The following UBE2E2 variants were observed in gnomAD, a reference collection of about 807,000 sequenced individuals.
The protein encoded by UBE2E2 is ubiquitin-conjugating enzyme E2 E2.
In UBE2E2, 6 loss-of-function variants were observed where a neutral mutation model predicts 24.7. The observed-to-expected ratio is 0.24, with a 90% confidence interval of 0.13 to 0.48. The LOEUF (loss-of-function observed/expected upper bound fraction) is 0.48. UBE2E2 is among the 20% of genes least tolerant of loss of function. The pLI is 0.99. For synonymous variants in UBE2E2, 104 were observed against 83.6 expected, an observed-to-expected ratio of 1.24 and a Z score of -1.33; for missense variants, 169 against 245.0, an observed-to-expected ratio of 0.69 and a Z score of 2.07.
At chr3:23,504,648 G>A (rs1030434490) in intron 4 of UBE2E2, among the ~76,000 whole-genome samples, 3 of 152,052 alleles carry the variant, frequency 2.0e-5, no homozygotes, top group Non-Finnish European at 2.9e-5. Flanking sequence ...CGTATCTTAT[G>A]GTTGCATTAA....
intron 3 of UBE2E2, among the ~76,000 whole-genome samples, chr3:23,442,074 G>C (rs1291107285): frequency 6.6e-6 from 1 of 151,986 alleles, no homozygotes; most frequent in African/African-American, 2.4e-5. Context: ...TGTGGCCTGT[G>C]TAATACATGC....
chr3:23,298,667 A>T (rs2125258301), intron 3 of UBE2E2, among the ~76,000 whole-genome samples: 2 of 151,620 alleles, frequency 1.3e-5, no homozygotes, highest in African/African-American at 4.8e-5. Flanking sequence ...AAGCTTTTTG[A>T]TGTGCTGCTG....
intron 5 of UBE2E2, among the ~76,000 whole-genome samples, chr3:23,572,831 C>A (rs1017976419): frequency 6.6e-6 from 1 of 152,144 alleles, no homozygotes; most frequent in African/African-American, 2.4e-5. Context: ...TTGTGAATAG[C>A]GCTGCAGTGA....
At chr3:23,406,779 G>C (rs1697365398) in intron 3 of UBE2E2, among the ~76,000 whole-genome samples, 2 of 152,178 alleles carry the variant, frequency 1.3e-5, no homozygotes, top group African/African-American at 4.8e-5. Context: ...AAATCTGTAT[G>C]CCCAGAGGCA....
At chr3:23,411,733 C>G (rs182457632) in intron 3 of UBE2E2, among the ~76,000 whole-genome samples, 4 of 152,108 alleles carry the variant, frequency 2.6e-5, no homozygotes, top group Admixed American at 2.6e-4. Context: ...TTCTCATTGG[C>G]TCATTTCCTT....
At chr3:23,410,909 C>A (rs570125996) in intron 3 of UBE2E2, among the ~76,000 whole-genome samples, 15 of 152,196 alleles carry the variant, frequency 9.9e-5, no homozygotes, top group African/African-American at 3.6e-4. Flanking sequence ...GCTTGAAAAA[C>A]ACTTAAAGAA....
chr3:23,232,922 A>G lies in UBE2E2; in HGVS notation c.227+15610A>G, dbSNP rs1249653397. 2.6e-5 allele frequency among the ~76,000 whole-genome samples: 4 copies of G among 152,362 alleles called. No individual in the cohort carries two copies. The South Asian group carries it at 8.3e-4, about 32-fold the overall frequency. On this transcript the variant is annotated intron_variant, in intron 3 of 5. Transcript: ENST00000396703. Reference sequence around the variant, plus strand: ...TGAACTGGAAGAAGGTGACAGATTCAGCTGCAAGTGCTGAAGGGAAATCTT... The same window carrying G: ...TGAACTGGAAGAAGGTGACAGATTCGGCTGCAAGTGCTGAAGGGAAATCTT...
At chr3:23,512,847 A>G (rs73139773) in intron 4 of UBE2E2, among the ~76,000 whole-genome samples, 33,518 of 152,042 alleles carry the variant, frequency 0.22, 3,781 homozygotes, top group African/African-American at 0.27. Context: ...CAGTAGGCCA[A>G]TGCACGAGAA....
chr3:23,402,277 C>T (rs1697245232), intron 3 of UBE2E2, among the ~76,000 whole-genome samples: 1 of 152,150 alleles, frequency 6.6e-6, no homozygotes, highest in South Asian at 2.1e-4. Flanking sequence ...CATTATGAAA[C>T]AACTTCCACG....
At chr3:23,440,086 C>A (rs905735058) in intron 3 of UBE2E2, among the ~76,000 whole-genome samples, 2 of 151,860 alleles carry the variant, frequency 1.3e-5, no homozygotes, top group Non-Finnish European at 2.9e-5. Flanking sequence ...CCAGCCTGGC[C>A]AAGATGGTGA....
At chr3:23,441,098 A>G (rs141316351) in intron 3 of UBE2E2, among the ~76,000 whole-genome samples, 1 of 152,298 alleles carries the variant, frequency 6.6e-6, no homozygotes, top group East Asian at 1.9e-4. Flanking sequence ...CCGACTTGCA[A>G]ACCACTAAAA....
chr3:23,453,592 T>C (rs1264042216), intron 3 of UBE2E2, among the ~76,000 whole-genome samples: 1 of 152,176 alleles, frequency 6.6e-6, no homozygotes, highest in Non-Finnish European at 1.5e-5. Flanking sequence ...GGTTTGAGGA[T>C]ATTTTAAAAT....
intron 3 of UBE2E2, among the ~76,000 whole-genome samples, chr3:23,294,921 A>G (rs1035162181): frequency 3.3e-5 from 5 of 152,056 alleles, no homozygotes; most frequent in African/African-American, 1.2e-4. Context: ...TCTAAAGCCA[A>G]TCATTCTGCC....
At chr3:23,525,700 G>A (rs925310869) in intron 4 of UBE2E2, among the ~76,000 whole-genome samples, 1 of 152,212 alleles carries the variant, frequency 6.6e-6, no homozygotes, top group African/African-American at 2.4e-5. Context: ...TGCAATGGAA[G>A]TGCAGTTTGC....
intron 3 of UBE2E2, among the ~76,000 whole-genome samples, chr3:23,469,632 C>T (rs902870381): frequency 3.9e-5 from 6 of 152,076 alleles, no homozygotes; most frequent in African/African-American, 1.2e-4. Flanking sequence ...CCAAGTTGAC[C>T]GACAGTTCAC....
chr3:23,475,076 T>C (rs1020560490), intron 3 of UBE2E2, among the ~76,000 whole-genome samples: 20 of 152,072 alleles, frequency 1.3e-4, no homozygotes, highest in African/African-American at 4.8e-4. Flanking sequence ...CTCCTCGAAG[T>C]GCTCCTTCTC....
rs147885408 is a variant in UBE2E2, at chr3:23,376,847, A to G, written c.228-122761A>G. Among the ~76,000 whole-genome samples, 544 of 152,334 alleles carry G rather than the reference A, an allele frequency of 3.6e-3. 4 individuals carry two copies. Among genetic ancestry groups the G allele is most frequent in the African/African-American group, 0.012 (497 of 41,576 alleles). On this transcript the variant is annotated intron_variant, in intron 3 of 5. Transcript: ENST00000396703. ...ATTTTGAAGTCCAGTAGTTGAGGTCAGCAACTCACATATGAGTTCTGATAA... is the reference window on the plus strand; with the variant it reads ...ATTTTGAAGTCCAGTAGTTGAGGTCGGCAACTCACATATGAGTTCTGATAA...
intron 3 of UBE2E2, among the ~76,000 whole-genome samples, chr3:23,414,402 C>T (rs544838767): frequency 1.3e-5 from 2 of 152,284 alleles, no homozygotes; most frequent in East Asian, 3.9e-4. Context: ...ATAAGAATTG[C>T]TTCCCTTCCC....
At chr3:23,566,115 A>C (rs914293828) in intron 5 of UBE2E2, among the ~76,000 whole-genome samples, 60 of 152,192 alleles carry the variant, frequency 3.9e-4, no homozygotes, top group African/African-American at 1.4e-3. Context: ...CCCTCTGTCA[A>C]ATTAACATGT....
Sources: allele counts gnomAD v4.1 joint callset (sites outside exome capture counted in the v4.1 genomes callset), GRCh38; gene constraint gnomAD v4.1.1; transcripts MANE v1.5; gene names NCBI Gene and HGNC (gene_info 2026-07-23, HGNC 2026-07-21).